Variants in ADAT3 observed in about 807,000 individuals in gnomAD.
The protein encoded by ADAT3 is tRNA-specific adenosine-34 deaminase regulatory subunit ADAT3.
A neutral mutation model predicts 3.5 loss-of-function variants in ADAT3; 2 were observed. The ratio of observed to expected loss-of-function variants is 0.57; its 90% CI spans 0.23 to 1.79. ADAT3 has a LOEUF of 1.79. Ranked by LOEUF, ADAT3 falls within the 40% of genes most tolerant of loss-of-function variation. The pLI, the probability that ADAT3 is intolerant of heterozygous loss-of-function variation, is 0.18. For synonymous variants in ADAT3, 358 were observed against 270.3 expected, an observed-to-expected ratio of 1.32 and a Z score of -3.18; for missense variants, 735 against 571.4, an observed-to-expected ratio of 1.29 and a Z score of -2.92.
Position 1,912,356 on chromosome 19 carries a change from C to G in ADAT3, c.309C>G (p.Pro103=). 6 of 1,530,502 alleles carry G rather than the reference C, an allele frequency of 3.9e-6. No homozygotes were observed. The highest frequency in any genetic ancestry group is 5.2e-6 in the Non-Finnish European group (6 of 1,146,340). The allele number at this position is 1,530,502 out of a possible 1,614,324, so 94.8% of individuals were successfully genotyped here. ...GGCCCAGCCGCGATGCCGGCAGCCC[C>G]CACGCCCTGGAGATGCTGCTTTGCC... ...RVRPSRDAGS[P]HALEMLLCLA... is the part of the protein sequence containing the mutation. The change falls in exon 2 of 2, where the codon CCC becomes CCG. Residue 103 remains proline, a synonymous_variant. Transcript: ENST00000329478.
At chr19:1,906,764 T>C (rs2013136541) in intron 1 of ADAT3, 1 of 149,638 alleles carries the variant, frequency 6.7e-6, no homozygotes, top group Non-Finnish European at 1.5e-5. Context: ...GGCAGGAAAA[T>C]GGTGTGAACT....
At chr19:1,907,731 T>C (rs918405584) in intron 1 of ADAT3, among the ~76,000 whole-genome samples, 15 of 152,248 alleles carry the variant, frequency 9.9e-5, no homozygotes, top group African/African-American at 3.1e-4. Context: ...GGACCTGGGC[T>C]GCCTGCCCTC....
Position 1,912,116 on chromosome 19 carries a change from C to G in ADAT3, c.69C>G (p.Leu23=), listed in dbSNP as rs758850357. ...TGAGGATGGAGCCCGCCCCGGGCCT[C>G]GTGGAGCAGCCCAAGTGCTTGGAGG... ...ASLRMEPAPG[L]VEQPKCLEAG... is the part of the protein sequence containing the mutation. The change falls in exon 2 of 2, where the codon CTC becomes CTG. Residue 23 remains leucine (L), a synonymous_variant. Transcript: ENST00000329478. 3 of 1,533,680 alleles carry G rather than the reference C, an allele frequency of 2.0e-6. No individual in the cohort carries two copies. Among genetic ancestry groups the G allele is most frequent in the East Asian group, 4.8e-5 (2 of 41,270 alleles).
At chr19:1,910,403 G>A (rs2013380428) in intron 1 of ADAT3, among the ~76,000 whole-genome samples, 1 of 152,198 alleles carries the variant, frequency 6.6e-6, no homozygotes, top group Admixed American at 6.6e-5. Context: ...GAGATGCAGA[G>A]ATCACATCAG....
chr19:1,913,446 A>G lies in ADAT3; in HGVS notation c.*295A>G. ...ATGGGAAAATAAACAGCCCAAAACC[A>G]AGTGGGTGTCTGTTAGGAGGTGTGT... On this transcript the variant is annotated 3_prime_UTR_variant, in exon 2 of 2. Coordinates refer to ENST00000329478, the MANE Select transcript of ADAT3 (RefSeq NM_138422.4). 2.0e-6 allele frequency: 1 copy of G among 506,542 alleles called. No individual in the cohort carries two copies. Among genetic ancestry groups the G allele is most frequent in the Non-Finnish European group, 3.6e-6 (1 of 275,920 alleles). The allele number at this position is 506,542 out of a possible 1,614,324, so 31.4% of individuals were successfully genotyped here. A position where few individuals can be genotyped will look rare whatever the true frequency, so the allele number is the denominator to read the frequency against.
chr19:1,908,691 GTCTC>G lies in ADAT3; in HGVS notation c.-158-3195_-158-3192del, dbSNP rs1892684203. On this transcript the variant is annotated intron_variant, in intron 1 of 1. Coordinates refer to ENST00000329478, the MANE Select transcript of ADAT3 (RefSeq NM_138422.4). This position sits in a 1 kb window ranked among gnomAD's most constrained non-coding sequence, Gnocchi z 4.2. ...TTATTTATTTGAAAAAAGGAACAGG[GTCTC>G]TCTATCTTGCCCACGTTGGTCTCAA... 3 of 419,318 alleles carry G rather than the reference GTCTC, an allele frequency of 7.2e-6. No homozygotes were observed. Among genetic ancestry groups the G allele is most frequent in the East Asian group, 7.1e-5 (1 of 14,078 alleles). 26.0% of individuals were successfully genotyped at this position (419,318 alleles called of 1,614,324 possible).
Position 1,912,194 on chromosome 19 carries a change from C to G in ADAT3, c.147C>G (p.Ser49=). 2 of 1,585,994 alleles carry G rather than the reference C, an allele frequency of 1.3e-6. No homozygotes were observed. Among genetic ancestry groups the G allele is most frequent in the South Asian group, 1.1e-5 (1 of 87,554 alleles). ...CGTGGCAGGCCCTCCCTGTCCTGTC[C>G]GAGAAGCAGTCAGGGGACGTGGAGC... ...PAPWQALPVL[S]EKQSGDVELV... The change falls in exon 2 of 2, where the codon TCC becomes TCG. Residue 49 remains serine (S), a synonymous_variant. Transcript: ENST00000329478.
intron 1 of ADAT3, 23 bp downstream of exon 1, chr19:1,905,462 T>A: frequency 2.2e-6 from 1 of 455,674 alleles, no homozygotes; most frequent in Non-Finnish European, 4.6e-6. Context: ...CCCCGAGGTC[T>A]CGGGTTCTCC....
rs530014675 is a variant in ADAT3 at position 1,911,932 on chromosome 19, C to A, written c.-116C>A. ...GGGAGTGTAGCTCTGATGCGGTGAC[C>A]TGGGCCGGAGCCCTCGGACTAGCCT... On this transcript the variant is annotated 5_prime_UTR_variant, in exon 2 of 2. The change creates a new upstream start codon in the 5' untranslated region. Transcript: ENST00000329478. 32 of 1,328,172 alleles carry A rather than the reference C, an allele frequency of 2.4e-5. No homozygotes were observed. Among genetic ancestry groups the A allele is most frequent in the African/African-American group, 2.2e-4 (14 of 64,812 alleles). 82.3% of individuals were successfully genotyped at this position (1,328,172 alleles called of 1,614,324 possible).
At chr19:1,905,877 C>T (rs1236104308) in intron 1 of ADAT3, 1 of 152,274 alleles carries the variant, frequency 6.6e-6, no homozygotes, top group East Asian at 1.9e-4. Flanking sequence ...TGTGGAGATT[C>T]CCCTAGGCCT....
In ADAT3 at chr19:1,912,200, G is replaced by A. The variant is rs988104605; in HGVS notation, c.153G>A (p.Lys51=). Residue 51 remains lysine (K), a synonymous_variant, in exon 2 of 2, where the codon AAG becomes AAA. Transcript: ENST00000329478. ...AGGCCCTCCCTGTCCTGTCCGAGAA[G>A]CAGTCAGGGGACGTGGAGCTGGTGC... The part of the protein sequence containing the change: ...PWQALPVLSE[K]QSGDVELVLA... 2.0e-5 allele frequency: 31 copies of A among 1,588,420 alleles called. No individual in the cohort carries two copies. The highest frequency in any genetic ancestry group is 2.1e-5 in the Non-Finnish European group (25 of 1,170,984).
In ADAT3 at chr19:1,912,959, C is replaced by T. The variant is rs1293500874; in HGVS notation, c.912C>T (p.Arg304=). ...LCTGYDLYVT[R]EPCAMCAMAL... Reference sequence around the variant, plus strand: ...CTGGCTACGACCTGTACGTGACCCGCGAGCCCTGCGCCATGTGCGCCATGG... The same window carrying T: ...CTGGCTACGACCTGTACGTGACCCGTGAGCCCTGCGCCATGTGCGCCATGG... Residue 304 remains arginine (R), a synonymous_variant, in exon 2 of 2, where the codon CGC becomes CGT. Transcript: ENST00000329478. The T allele has an allele frequency of 5.6e-6, 9 of 1,610,122 alleles. No homozygotes were observed. In the African/African-American group the frequency reaches 6.7e-5, roughly 12 times the overall value.
intron 1 of ADAT3, chr19:1,907,206 C>A (rs1240311227): frequency 6.6e-6 from 1 of 151,392 alleles, no homozygotes; most frequent in African/African-American, 2.4e-5. Context: ...AGCCCCCACG[C>A]AGACTATTGG....
chr19:1,913,077 G>T lies in ADAT3; in HGVS notation c.1030G>T (p.Asp344Tyr). 6.2e-7 allele frequency: 1 copy of T among 1,601,464 alleles called. No individual in the cohort carries two copies. ...GTRFRIHARPDLNHRFQVFRG... is the reference protein window; with the variant it reads ...GTRFRIHARPYLNHRFQVFRG... Reference sequence around the variant, plus strand: ...CCGCTTCCGCATCCACGCACGGCCCGACCTCAACCACCGCTTCCAGGTGTT... The same window carrying T: ...CCGCTTCCGCATCCACGCACGGCCCTACCTCAACCACCGCTTCCAGGTGTT... Residue 344 changes from aspartate (D) to tyrosine (Y), a missense_variant, in exon 2 of 2, where the codon GAC becomes TAC. By Grantham distance (160) the Asp-to-Tyr change is radical. Transcript: ENST00000329478.
At position 1,912,749 on chromosome 19, in the gene ADAT3, C is replaced by T. The variant is rs1410054798; in HGVS notation, c.702C>T (p.Asp234=). The change falls in exon 2 of 2, where the codon GAC becomes GAT. Residue 234 remains aspartate (D), a synonymous_variant. Coordinates refer to ENST00000329478, the MANE Select transcript of ADAT3 (RefSeq NM_138422.4). ...CCGGCCACGACTGCAGCTGCGCGGA[C>T]AACCCCCTCCTGCACGCCGTCATGG... ...LATGHDCSCA[D]NPLLHAVMVC... is the part of the protein sequence containing the mutation. 1 of 1,547,886 alleles carries T rather than the reference C, an allele frequency of 6.5e-7. No homozygotes were observed. Among genetic ancestry groups the T allele is most frequent in the East Asian group, 2.4e-5 (1 of 40,874 alleles).
intron 1 of ADAT3, among the ~76,000 whole-genome samples, chr19:1,911,231 G>A (rs1568762769): frequency 6.6e-6 from 1 of 151,924 alleles, no homozygotes; most frequent in Non-Finnish European, 1.5e-5. Context: ...GGGTACAGTG[G>A]CACGATTGTA....
Position 1,912,738 on chromosome 19 carries a change from A to T in ADAT3, c.691A>T (p.Ser231Cys). ...DRVLATGHDC[S>C]CADNPLLHAV... The stretch of plus-strand genomic sequence containing the variant: ...CGTGCTGGCCACCGGCCACGACTGC[A>T]GCTGCGCGGACAACCCCCTCCTGCA... Residue 231 changes from serine to cysteine, a missense_variant, in exon 2 of 2, where the codon AGC becomes TGC. Physicochemically the swap from Ser to Cys is moderately radical, Grantham distance 112. Coordinates refer to ENST00000329478, the MANE Select transcript of ADAT3 (RefSeq NM_138422.4). 1 of 1,539,664 alleles carries T rather than the reference A, an allele frequency of 6.5e-7. No individual in the cohort carries two copies. Among genetic ancestry groups the T allele is most frequent in the South Asian group, 1.2e-5 (1 of 84,608 alleles).
At chr19:1,906,743 A>G (rs923675592) in intron 1 of ADAT3, 7 of 151,776 alleles carry the variant, frequency 4.6e-5, no homozygotes, top group African/African-American at 1.5e-4. Flanking sequence ...GCTACTCCCA[A>G]AGGAGGCTGA....
In ADAT3 at chr19:1,912,828, C is replaced by A. The variant is rs1367568325; in HGVS notation, c.781C>A (p.Pro261Thr). ...GQGRGTYDFR[P>T]FPACSFAPAA... ...GGGCCGCGGCACCTACGACTTCAGA[C>A]CCTTCCCCGCCTGCTCCTTCGCCCC... The change falls in exon 2 of 2, where the codon CCC (proline) becomes ACC (threonine). Residue 261 changes from proline (P) to threonine (T), a missense_variant. Physicochemically the swap from Pro to Thr is conservative, Grantham distance 38. Transcript: ENST00000329478. 2 of 1,590,996 alleles carry A rather than the reference C, an allele frequency of 1.3e-6. No individual in the cohort carries two copies. Among genetic ancestry groups the A allele is most frequent in the African/African-American group, 1.3e-5 (1 of 74,502 alleles).
Sources: gnomAD v4.1 joint callset for allele counts (sites outside exome capture counted in the v4.1 genomes callset) on GRCh38, gnomAD v4.1.1 for gene constraint, Gnocchi (gnomAD v3.1) non-coding constraint, MANE v1.5 for transcripts, NCBI Gene and HGNC (gene_info 2026-07-23, HGNC 2026-07-21) for gene names.